PDZRN4: variants seen among roughly 807,000 people sequenced by gnomAD.
PDZRN4 encodes PDZ domain-containing RING finger protein 4.
A neutral mutation model predicts 99.0 loss-of-function variants in PDZRN4; 70 were observed. That is an observed-to-expected ratio of 0.71 (90% CI 0.58 to 0.86). PDZRN4 has a LOEUF of 0.86. Among genes scored for constraint, PDZRN4 ranks in the 40% least tolerant of loss-of-function variants. PDZRN4 has a pLI of 0.00. For missense variants in PDZRN4, 1,474 were observed against 1,331.2 expected, an observed-to-expected ratio of 1.11 and a Z score of -1.67; for synonymous variants, 551 against 501.6, an observed-to-expected ratio of 1.10 and a Z score of -1.32.
intron 3 of PDZRN4, among the ~76,000 whole-genome samples, chr12:41,372,609 G>C (rs1952049829): frequency 6.6e-6 from 1 of 152,094 alleles, no homozygotes; most frequent in South Asian, 2.1e-4. Flanking sequence ...TCACGTACAG[G>C]GAATAGCATT....
At position 41,305,927 on chromosome 12, in the gene PDZRN4, T is replaced by C. The variant is rs535994141; in HGVS notation, c.843+111739T>C. On this transcript the variant is annotated intron_variant, in intron 3 of 9. Transcript: ENST00000402685. The stretch of plus-strand genomic sequence containing the variant: ...GATATGGTTGAGGCTCAAGGTACAA[T>C]TCCTCTGGAAGCAGAATTCCTCTCC... Among the ~76,000 whole-genome samples, 81 of 152,306 alleles carry C rather than the reference T, an allele frequency of 5.3e-4. 1 individual carries two copies. Among genetic ancestry groups the C allele is most frequent in the African/African-American group, 1.8e-3 (75 of 41,582 alleles).
At position 41,512,115 on chromosome 12, in the gene PDZRN4, A is replaced by C. The variant is rs114836005; in HGVS notation, c.1203+2202A>C. ...ATATGCATTCCTCTTCAACCTAAAC[A>C]TGAGCACAACCAGGCAATCAAGGAA... is the stretch of plus-strand genomic sequence containing the variant. On this transcript the variant is annotated intron_variant, in intron 5 of 9. Transcript: ENST00000402685. Among the ~76,000 whole-genome samples the C allele has an allele frequency of 1.8e-3, 270 of 152,246 alleles. 3 individuals are homozygous for C. Among genetic ancestry groups the C allele is most frequent in the African/African-American group, 6.2e-3 (256 of 41,560 alleles).
chr12:41,339,126 C>CAAA (rs35203434), intron 3 of PDZRN4, among the ~76,000 whole-genome samples: 53 of 143,570 alleles, frequency 3.7e-4, no homozygotes, highest in African/African-American at 1.3e-3. Context: ...TCATTCCGAG[C>CAAA]AAAAAAAAAA....
chr12:41,520,452 C>G (rs899658480), intron 5 of PDZRN4, among the ~76,000 whole-genome samples: 5 of 152,054 alleles, frequency 3.3e-5, no homozygotes, highest in African/African-American at 1.2e-4. Context: ...AAAGCTAAAG[C>G]ATAAATCTCG....
At chr12:41,363,635 TGCTAGTTTGGAGATAAA>T (rs1951977996) in intron 3 of PDZRN4, among the ~76,000 whole-genome samples, 2 of 150,568 alleles carry the variant, frequency 1.3e-5, no homozygotes, top group Middle Eastern at 3.2e-3. Context: ...TTTGTTTGGG[TGCTAGTTTGGAGATAAA>T]TCATATTATG....
At chr12:41,230,292 T>C (rs1951019661) in intron 3 of PDZRN4, among the ~76,000 whole-genome samples, 1 of 152,010 alleles carries the variant, frequency 6.6e-6, no homozygotes, top group Non-Finnish European at 1.5e-5. Context: ...TATACATCCA[T>C]GATTGCCTCA....
At chr12:41,331,889 A>G (rs1457417787) in intron 3 of PDZRN4, among the ~76,000 whole-genome samples, 1 of 152,156 alleles carries the variant, frequency 6.6e-6, no homozygotes, top group Non-Finnish European at 1.5e-5. Flanking sequence ...ACTACAATTC[A>G]ATGTGAGATT....
chr12:41,318,538 G>C (rs1951653823), intron 3 of PDZRN4, among the ~76,000 whole-genome samples: 1 of 152,182 alleles, frequency 6.6e-6, no homozygotes, highest in Non-Finnish European at 1.5e-5. Flanking sequence ...GGTCCTTGTG[G>C]TAAGTCAACA....
intron 3 of PDZRN4, among the ~76,000 whole-genome samples, chr12:41,385,083 A>T (rs1316810766): frequency 6.6e-6 from 1 of 152,208 alleles, no homozygotes; most frequent in Non-Finnish European, 1.5e-5. Context: ...TGCAGCATTT[A>T]AAAAATGGAA....
intron 3 of PDZRN4, among the ~76,000 whole-genome samples, chr12:41,278,198 T>TGA (rs1951362088): frequency 1.3e-5 from 2 of 152,210 alleles, no homozygotes; most frequent in Non-Finnish European, 2.9e-5. Flanking sequence ...AAGAGGAGGC[T>TGA]TTTTATAAGG....
At chr12:41,238,974 A>G (rs570835150) in intron 3 of PDZRN4, among the ~76,000 whole-genome samples, 2 of 152,294 alleles carry the variant, frequency 1.3e-5, no homozygotes, top group East Asian at 1.9e-4. Flanking sequence ...AGTATACCCA[A>G]AGGACTAGAG....
At chr12:41,428,511 A>G (rs1319747874) in intron 3 of PDZRN4, among the ~76,000 whole-genome samples, 3 of 152,130 alleles carry the variant, frequency 2.0e-5, no homozygotes, top group Admixed American at 2.0e-4. Context: ...CCACACTCTA[A>G]AAAAAGAGAG....
At chr12:41,434,605 A>T (rs528462417) in intron 3 of PDZRN4, among the ~76,000 whole-genome samples, 2 of 152,314 alleles carry the variant, frequency 1.3e-5, no homozygotes, top group South Asian at 4.1e-4. Flanking sequence ...TTCACTTGCC[A>T]GTTTAGCCTC....
At position 41,188,546 on chromosome 12, in the gene PDZRN4, A is replaced by T. The variant is rs768010807; in HGVS notation, c.91A>T (p.Thr31Ser). The change falls in exon 1 of 10, where the codon ACG (threonine) becomes TCG (serine). Residue 31 changes from threonine (T) to serine (S), a missense_variant. Transcript: ENST00000402685. ...CCAGGTGCTTGAAGAGCCCCTGTGCACGCCGTGCGGGCACGTCTTCTGCGC... is the reference window on the plus strand; with the variant it reads ...CCAGGTGCTTGAAGAGCCCCTGTGCTCGCCGTGCGGGCACGTCTTCTGCGC... ...CGQVLEEPLC[T>S]PCGHVFCASC... 12 of 1,567,658 alleles carry T rather than the reference A, an allele frequency of 7.7e-6. No individual in the cohort carries two copies. The Admixed American group carries it at 2.0e-4, about 26-fold the overall frequency.
Position 41,188,359 on chromosome 12 carries a change from C to G in PDZRN4, c.-97C>G. ...CCGCCACCTCCCTCCACTGCCGCCG[C>G]CGCGAGACGGCTGCCCCGGGGGTGG... On this transcript the variant is annotated 5_prime_UTR_variant, in exon 1 of 10. Coordinates refer to ENST00000402685, the MANE Select transcript of PDZRN4 (RefSeq NM_001164595.2). 8.1e-7 allele frequency: 1 copy of G among 1,233,126 alleles called. No homozygotes were observed. The highest frequency in any genetic ancestry group is 1.1e-6 in the Non-Finnish European group (1 of 920,512). 76.4% of individuals were successfully genotyped at this position (1,233,126 alleles called of 1,614,324 possible). A position where few individuals can be genotyped will look rare whatever the true frequency, so the allele number is the denominator to read the frequency against.
intron 3 of PDZRN4, among the ~76,000 whole-genome samples, chr12:41,307,855 TC>T (rs1370406251): frequency 6.6e-6 from 1 of 152,144 alleles, no homozygotes; most frequent in African/African-American, 2.4e-5. Flanking sequence ...AGATATTATT[TC>T]ATCTAATCTA....
chr12:41,454,635 A>G (rs1952803461), intron 3 of PDZRN4, among the ~76,000 whole-genome samples: 1 of 152,198 alleles, frequency 6.6e-6, no homozygotes, highest in Non-Finnish European at 1.5e-5. Flanking sequence ...ACTGGTCACA[A>G]GGATGGCAGG....
chr12:41,229,228 A>G (rs190799799), intron 3 of PDZRN4, among the ~76,000 whole-genome samples: 19 of 151,782 alleles, frequency 1.3e-4, no homozygotes, highest in African/African-American at 4.6e-4. Context: ...TTAACTTAGT[A>G]ATGGACCACG....
chr12:41,362,846 A>C (rs995011645), intron 3 of PDZRN4, among the ~76,000 whole-genome samples: 1 of 152,142 alleles, frequency 6.6e-6, no homozygotes, highest in African/African-American at 2.4e-5. Flanking sequence ...TACATTAATT[A>C]TGACTTTTAT....
Sources: allele counts gnomAD v4.1 joint callset (sites outside exome capture counted in the v4.1 genomes callset), GRCh38; gene constraint gnomAD v4.1.1; transcripts MANE v1.5; gene names NCBI Gene and HGNC (gene_info 2026-07-23, HGNC 2026-07-21).